The following CDK14 variants were observed in gnomAD, a reference collection of about 807,000 sequenced individuals.
The protein encoded by CDK14 is cyclin-dependent kinase 14.
CDK14 carries 34 observed loss-of-function variants against 60.7 expected under a neutral mutation model. The observed-to-expected ratio is 0.56, with a 90% confidence interval of 0.43 to 0.75. The LOEUF (loss-of-function observed/expected upper bound fraction) is 0.75. Among genes scored for constraint, CDK14 ranks in the 30% least tolerant of loss-of-function variants. CDK14 has a pLI of 0.00. For synonymous variants in CDK14, 197 were observed against 203.7 expected, an observed-to-expected ratio of 0.97 and a Z score of 0.28; for missense variants, 482 against 564.1, an observed-to-expected ratio of 0.85 and a Z score of 1.47.
chr7:90,982,835 T>C (rs1795267475), intron 9 of CDK14, among the ~76,000 whole-genome samples: 1 of 152,014 alleles, frequency 6.6e-6, no homozygotes, highest in African/African-American at 2.4e-5. Flanking sequence ...AGATAGCTCA[T>C]GGTGCTCATT....
intron 2 of CDK14, among the ~76,000 whole-genome samples, chr7:90,605,217 G>A (rs1347122238): frequency 6.6e-6 from 1 of 152,184 alleles, no homozygotes; most frequent in Non-Finnish European, 1.5e-5. Flanking sequence ...GTGGTGCATG[G>A]CAGGTCTGCT....
chr7:90,759,312 T>A (rs779099988), intron 4 of CDK14, among the ~76,000 whole-genome samples: 14 of 152,178 alleles, frequency 9.2e-5, no homozygotes, highest in Non-Finnish European at 1.8e-4. Context: ...AATGAGATAT[T>A]CACTCATTGG....
intron 10 of CDK14, among the ~76,000 whole-genome samples, chr7:91,012,200 C>A (rs969825652): frequency 3.9e-5 from 6 of 152,094 alleles, no homozygotes; most frequent in Non-Finnish European, 7.4e-5. Context: ...GAAACAAGAT[C>A]CTTTTTAGCC....
intron 7 of CDK14, among the ~76,000 whole-genome samples, chr7:90,903,576 G>A (rs1353035787): frequency 1.3e-5 from 2 of 152,052 alleles, no homozygotes; most frequent in Non-Finnish European, 1.5e-5. Flanking sequence ...TTTTGGAGTG[G>A]GGGATGAAGA....
intron 14 of CDK14, among the ~76,000 whole-genome samples, chr7:91,179,107 C>G (rs947514872): frequency 1.1e-4 from 17 of 151,944 alleles, no homozygotes; most frequent in African/African-American, 4.1e-4. Context: ...CACATATACA[C>G]CATGGAACAA....
At chr7:90,854,024 A>G (rs1790739448) in intron 5 of CDK14, among the ~76,000 whole-genome samples, 1 of 152,128 alleles carries the variant, frequency 6.6e-6, no homozygotes, top group Non-Finnish European at 1.5e-5. Context: ...ACAGTGCTTT[A>G]CCTCTTGACC....
intron 5 of CDK14, among the ~76,000 whole-genome samples, chr7:90,828,700 G>A (rs1055851881): frequency 6.6e-6 from 1 of 152,058 alleles, no homozygotes; most frequent in Non-Finnish European, 1.5e-5. Flanking sequence ...ATTACCCACT[G>A]ACAGAACTGT....
intron 5 of CDK14, among the ~76,000 whole-genome samples, chr7:90,846,655 G>C (rs1425251643): frequency 6.6e-6 from 1 of 152,180 alleles, no homozygotes; most frequent in Non-Finnish European, 1.5e-5. Context: ...TGCCAGAGTA[G>C]GTTAGGACCA....
At chr7:90,723,270 TAAAACAA>T (rs1276157906) in intron 2 of CDK14, among the ~76,000 whole-genome samples, 2 of 152,220 alleles carry the variant, frequency 1.3e-5, no homozygotes, top group East Asian at 3.8e-4. Flanking sequence ...CTTAACATCT[TAAAACAA>T]CATACATTTT....
At chr7:91,035,249 A>G (rs1158174831) in intron 10 of CDK14, among the ~76,000 whole-genome samples, 1 of 152,174 alleles carries the variant, frequency 6.6e-6, no homozygotes, top group Admixed American at 6.5e-5. Context: ...TCTGTTGTAT[A>G]TTACCTCAGG....
chr7:90,778,311 T>TA (rs1223609917), intron 4 of CDK14, among the ~76,000 whole-genome samples: 1 of 152,246 alleles, frequency 6.6e-6, no homozygotes, highest in Non-Finnish European at 1.5e-5. Flanking sequence ...TCATCCTTTA[T>TA]AATTTCCGTA....
In CDK14 at chr7:91,184,914, C is replaced by T. The variant is rs377675610; in HGVS notation, c.*29-22251C>T. Reference sequence around the variant, plus strand: ...TGGGGTCGGTCATGGGTGAGGTGAACTCCAGATTGATTCTCCTAGCCACAA... The same window carrying T: ...TGGGGTCGGTCATGGGTGAGGTGAATTCCAGATTGATTCTCCTAGCCACAA... On this transcript the variant is annotated intron_variant, in intron 14 of 14. Transcript: ENST00000380050. Among the ~76,000 whole-genome samples the T allele has an allele frequency of 5.9e-5, 9 of 151,864 alleles. No individual in the cohort carries two copies. In the South Asian group the frequency reaches 1.0e-3, roughly 18 times the overall value.
chr7:90,853,473 T>C (rs565025624), intron 5 of CDK14, among the ~76,000 whole-genome samples: 1 of 152,074 alleles, frequency 6.6e-6, no homozygotes, highest in South Asian at 2.1e-4. Flanking sequence ...TCTGTTGATA[T>C]GCTTGTAGAG....
At chr7:90,963,379 C>T (rs1584174413) in intron 9 of CDK14, among the ~76,000 whole-genome samples, 1 of 151,710 alleles carries the variant, frequency 6.6e-6, no homozygotes, top group Admixed American at 6.6e-5. Context: ...CACACCATTG[C>T]ACTCCAGCCT....
intron 12 of CDK14, among the ~76,000 whole-genome samples, chr7:91,095,416 T>C (rs1469307928): frequency 6.6e-6 from 1 of 152,250 alleles, no homozygotes; most frequent in Non-Finnish European, 1.5e-5. Context: ...TTTGGGATTT[T>C]CCTTTACTTC....
chr7:91,106,652 G>A (rs1360363381), intron 12 of CDK14, among the ~76,000 whole-genome samples: 2 of 152,056 alleles, frequency 1.3e-5, no homozygotes, highest in Admixed American at 6.6e-5. Context: ...TTTTGTACAC[G>A]AGAGTAAAAA....
chr7:91,069,747 T>C (rs1167148553), intron 11 of CDK14, among the ~76,000 whole-genome samples: 2 of 152,186 alleles, frequency 1.3e-5, no homozygotes. Flanking sequence ...GGTTAATATA[T>C]ATTTTAATAG....
chr7:91,004,570 A>G (rs145350967), intron 10 of CDK14, among the ~76,000 whole-genome samples: 3 of 152,306 alleles, frequency 2.0e-5, no homozygotes, highest in East Asian at 1.9e-4. Context: ...GGAGACTCCT[A>G]TTTCCTTAAA....
intron 5 of CDK14, among the ~76,000 whole-genome samples, chr7:90,838,105 G>A (rs1790172599): frequency 4.6e-5 from 7 of 152,128 alleles, no homozygotes; most frequent in Admixed American, 3.9e-4. Context: ...GGCTGAAGCT[G>A]CGGCAGAAGA....
Sources: gnomAD v4.1 joint callset for allele counts (sites outside exome capture counted in the v4.1 genomes callset) on GRCh38, gnomAD v4.1.1 for gene constraint, MANE v1.5 for transcripts, NCBI Gene and HGNC (gene_info 2026-07-23, HGNC 2026-07-21) for gene names.